The following KCNMA1 variants were observed in gnomAD, a reference collection of about 807,000 sequenced individuals.
KCNMA1 encodes the protein Calcium-activated potassium channel subunit alpha-1.
KCNMA1 carries 29 observed loss-of-function variants against 140.0 expected under a neutral mutation model. The observed-to-expected ratio is 0.21, with a 90% CI of 0.15 to 0.28. The LOEUF (loss-of-function observed/expected upper bound fraction) is 0.28. KCNMA1 is among the 10% of genes least tolerant of loss of function. The pLI is 1.00. For missense variants in KCNMA1, 880 were observed against 1,602.2 expected, an observed-to-expected ratio of 0.55 and a Z score of 7.70; for synonymous variants, 612 against 611.9, an observed-to-expected ratio of 1.00 and a Z score of 0.00.
At chr10:77,615,027 A>G (rs571060505) in intron 1 of KCNMA1, among the ~76,000 whole-genome samples, 1 of 152,366 alleles carries the variant, frequency 6.6e-6, no homozygotes, top group South Asian at 2.1e-4. Context: ...TGGGTGCCTC[A>G]GAACACATAA....
At chr10:77,295,113 C>T (rs1357722683) in intron 2 of KCNMA1, among the ~76,000 whole-genome samples, 1 of 151,684 alleles carries the variant, frequency 6.6e-6, no homozygotes, top group Non-Finnish European at 1.5e-5. Context: ...TTTGGGAAGC[C>T]AAGGTGGGCA....
intron 1 of KCNMA1, among the ~76,000 whole-genome samples, chr10:77,558,381 A>G (rs544305763): frequency 2.6e-4 from 40 of 152,278 alleles, no homozygotes; most frequent in Middle Eastern, 3.4e-3. Flanking sequence ...AATCCATTGG[A>G]TCACGATGAT....
At chr10:77,286,807 C>T (rs912368865) in intron 2 of KCNMA1, among the ~76,000 whole-genome samples, 1 of 148,832 alleles carries the variant, frequency 6.7e-6, no homozygotes, top group Admixed American at 6.9e-5. Flanking sequence ...TATGCATCCT[C>T]ATTTATACAC....
intron 22 of KCNMA1, among the ~76,000 whole-genome samples, chr10:76,948,077 C>T (rs929258514): frequency 4.6e-5 from 7 of 152,022 alleles, no homozygotes; most frequent in African/African-American, 1.7e-4. Context: ...CTTTCACAGC[C>T]CACTGCAGCC....
At chr10:76,985,055 T>C (rs1162680740) in intron 19 of KCNMA1, among the ~76,000 whole-genome samples, 1 of 152,238 alleles carries the variant, frequency 6.6e-6, no homozygotes, top group South Asian at 2.1e-4. Context: ...GCCATCTGTC[T>C]TGCAATCTAT....
intron 25 of KCNMA1, among the ~76,000 whole-genome samples, chr10:76,899,397 C>A (rs1487106053): frequency 1.3e-5 from 2 of 152,128 alleles, no homozygotes; most frequent in Non-Finnish European, 1.5e-5. Context: ...GAAGATCAAC[C>A]AGAATGGATT....
rs1403621505 is a variant in KCNMA1, at chr10:76,887,238, T to A, written c.*28A>T. The A allele has an allele frequency of 1.2e-6, 2 of 1,613,682 alleles. No individual in the cohort carries two copies. The highest frequency in any genetic ancestry group is 2.7e-5 in the African/African-American group (2 of 74,846). On this transcript the variant is annotated 3_prime_UTR_variant, in exon 28 of 28. Coordinates refer to ENST00000286628, the MANE Select transcript of KCNMA1 (RefSeq NM_001161352.2). Reference sequence around the variant, plus strand: ...CTGGGGAAATGAGTGGCAGATACAGTTTCACACAGTGGCGGTGGATACACA... The same window carrying A: ...CTGGGGAAATGAGTGGCAGATACAGATTCACACAGTGGCGGTGGATACACA...
chr10:77,539,968 T>C (rs2059812456), intron 1 of KCNMA1, among the ~76,000 whole-genome samples: 1 of 152,206 alleles, frequency 6.6e-6, no homozygotes. Flanking sequence ...TGTTTCTTTT[T>C]TCTCCCACCC....
intron 2 of KCNMA1, chr10:77,315,438 G>A (rs528394132): frequency 1.7e-4 from 26 of 152,328 alleles, no homozygotes; most frequent in African/African-American, 6.3e-4. Flanking sequence ...CTGCCATCTT[G>A]TGTTTGTTTC....
intron 12 of KCNMA1, among the ~76,000 whole-genome samples, chr10:77,083,667 A>T (rs1396513348): frequency 6.8e-6 from 1 of 147,490 alleles, no homozygotes; most frequent in Non-Finnish European, 1.5e-5. Flanking sequence ...TGTCCCTACT[A>T]AAAAAAAAAA....
At chr10:77,283,591 T>C (rs1489215729) in intron 2 of KCNMA1, among the ~76,000 whole-genome samples, 1 of 152,212 alleles carries the variant, frequency 6.6e-6, no homozygotes, top group African/African-American at 2.4e-5. Flanking sequence ...AAGCTGTCTC[T>C]GAATTTGATG....
At position 77,142,210 on chromosome 10, in the gene KCNMA1, T is replaced by TA. The variant is rs1347117217; in HGVS notation, c.809-21163dup. ...GTGAAACCCTGTCTCTACTAAAAAA[T>TA]ACAAAAAAAAATTAGCCGGGCGTGG... On this transcript the variant is annotated intron_variant, in intron 5 of 27. Transcript: ENST00000286628. Among the ~76,000 whole-genome samples the TA allele has an allele frequency of 1.0e-4, 15 of 149,488 alleles. 1 individual carries two copies. The highest frequency in any genetic ancestry group is 6.4e-4 in the South Asian group (3 of 4,708).
At chr10:77,087,337 A>G (rs933941200) in intron 10 of KCNMA1, among the ~76,000 whole-genome samples, 1 of 152,206 alleles carries the variant, frequency 6.6e-6, no homozygotes, top group Non-Finnish European at 1.5e-5. Flanking sequence ...AGATAGATAG[A>G]TAGATGTATC....
At chr10:77,304,810 T>A (rs969692984) in intron 2 of KCNMA1, among the ~76,000 whole-genome samples, 2 of 152,172 alleles carry the variant, frequency 1.3e-5, no homozygotes, top group Non-Finnish European at 2.9e-5. Context: ...TGCCCAGAGA[T>A]TCCCACACCC....
At chr10:77,104,883 G>A (rs970880501) in intron 9 of KCNMA1, among the ~76,000 whole-genome samples, 2 of 152,194 alleles carry the variant, frequency 1.3e-5, no homozygotes, top group African/African-American at 2.4e-5. Context: ...CCAGCCCTCA[G>A]GCCTTCCCTG....
At chr10:77,084,081 T>C (rs1369963123) in intron 12 of KCNMA1, among the ~76,000 whole-genome samples, 1 of 151,998 alleles carries the variant, frequency 6.6e-6, no homozygotes, top group Non-Finnish European at 1.5e-5. Flanking sequence ...AAAGCCCTAG[T>C]AAGGGTTTTC....
chr10:77,432,795 C>A (rs1371518859), intron 1 of KCNMA1, among the ~76,000 whole-genome samples: 1 of 152,136 alleles, frequency 6.6e-6, no homozygotes, highest in South Asian at 2.1e-4. Context: ...TAAAAAACTA[C>A]CAAACAGGTT....
chr10:77,232,012 T>A (rs1446421221), intron 3 of KCNMA1, among the ~76,000 whole-genome samples: 1 of 152,258 alleles, frequency 6.6e-6, no homozygotes, highest in East Asian at 1.9e-4. Flanking sequence ...TCTTGACATT[T>A]TACACAAGTG....
At chr10:76,877,780 T>A (rs2032666868) in exon 30 of KCNMA1, 1 of 1,569,500 alleles carries the variant, frequency 6.4e-7, no homozygotes, top group African/African-American at 1.3e-5. Context: ...GGAATCAAGC[T>A]GCTTGTGGAT....
Sources: gnomAD v4.1 joint callset for allele counts (sites outside exome capture counted in the v4.1 genomes callset) on GRCh38, gnomAD v4.1.1 for gene constraint, MANE v1.5 for transcripts, NCBI Gene and HGNC (gene_info 2026-07-23, HGNC 2026-07-21) for gene names.